IDE: variants seen among roughly 807,000 people sequenced by gnomAD.
IDE encodes insulin degrading enzyme.
A neutral mutation model predicts 133.2 loss-of-function variants in IDE; 58 were observed. The ratio of observed to expected loss-of-function variants is 0.44; its 90% CI spans 0.35 to 0.54. IDE has a LOEUF of 0.54. IDE is among the 20% of genes least tolerant of loss of function. IDE has a pLI of 0.00. For synonymous variants in IDE, 396 were observed against 421.3 expected (o/e 0.94, Z 0.73); for missense variants, 981 against 1,234.0 (o/e 0.79, Z 3.07).
chr10:92,524,747 AC>A (rs1431421836), intron 4 of IDE, among the ~76,000 whole-genome samples: 1 of 145,078 alleles, frequency 6.9e-6, no homozygotes, highest in East Asian at 2.0e-4. Flanking sequence ...ATATAGCAAA[AC>A]CCCGTCTCTA....
Position 92,510,110 on chromosome 10 carries a change from C to G in IDE, c.837G>C (p.Glu279Asp). The G allele has an allele frequency of 6.2e-7, 1 of 1,605,862 alleles. No homozygotes were observed. The highest frequency in any genetic ancestry group is 1.1e-5 in the South Asian group (1 of 90,426). ...ATTCTGGCAATGGAACATTTTTGTT[C>G]TCTACTTCAGAAAATAACTTTACCA... Reference protein sequence around the residue: ...NLVVKLFSEVENKNVPLPEFP... With the variant: ...NLVVKLFSEVDNKNVPLPEFP... Residue 279 changes from glutamate (E) to aspartate (D), a missense_variant, in exon 6 of 25, where the codon GAG becomes GAC. Glu to Asp is a conservative substitution (Grantham distance 45). Transcript: ENST00000265986.
intron 16 of IDE, 98 bp from the exon 17 acceptor site, chr10:92,475,059 T>G: frequency 1.2e-6 from 1 of 858,064 alleles, no homozygotes; most frequent in African/African-American, 1.7e-5. Flanking sequence ...ATAAACTGTA[T>G]TACTAGGATA....
At chr10:92,497,733 T>C (rs747113034) in intron 11 of IDE, 1 of 983,310 alleles carries the variant, frequency 1.0e-6, no homozygotes, top group East Asian at 1.1e-4. Context: ...TTTTGCACCA[T>C]GTATCACTGA....
At chr10:92,478,177 C>T (rs918457657) in intron 15 of IDE, among the ~76,000 whole-genome samples, 1 of 152,106 alleles carries the variant, frequency 6.6e-6, no homozygotes, top group Non-Finnish European at 1.5e-5. Flanking sequence ...TATTTTAAAA[C>T]ACACATAAAG....
chr10:92,545,096 A>G lies in IDE; in HGVS notation c.99-7546T>C, dbSNP rs990809055. On this transcript the variant is annotated intron_variant, in intron 1 of 24. Transcript: ENST00000265986. ...GGAATTAAATTTATCCATTTTAAAA[A>G]GAATATCATAGAAACTATGGTAATT... Among the ~76,000 whole-genome samples, 4 of 152,202 alleles carry G rather than the reference A, an allele frequency of 2.6e-5. No individual in the cohort carries two copies. In the East Asian group the frequency reaches 7.7e-4, roughly 29 times the overall value.
intron 1 of IDE, among the ~76,000 whole-genome samples, chr10:92,539,876 A>AAT (rs1162820053): frequency 1.3e-5 from 2 of 152,158 alleles, no homozygotes; most frequent in Non-Finnish European, 2.9e-5. Context: ...TTTGCGGTAA[A>AAT]ATAGTAATAA....
chr10:92,567,885 C>A (rs1161431641), intron 1 of IDE, among the ~76,000 whole-genome samples: 1 of 152,196 alleles, frequency 6.6e-6, no homozygotes, highest in Non-Finnish European at 1.5e-5. Flanking sequence ...GTGAGAGGAT[C>A]ACTTGAGCCC....
intron 20 of IDE, 114 bp downstream of exon 20, chr10:92,465,562 C>T: frequency 1.1e-6 from 1 of 885,886 alleles, no homozygotes; most frequent in South Asian, 1.7e-5. Flanking sequence ...TCAAGTCTCT[C>T]TAAGTAGACC....
rs1453727226 is a variant in IDE, at chr10:92,524,325, T to TATTA, written c.661+7422_661+7423insTAAT. 8.6e-5 allele frequency among the ~76,000 whole-genome samples: 5 copies of TATTA among 58,080 alleles called. 1 individual carries two copies. The highest frequency in any genetic ancestry group is 3.0e-4 in the African/African-American group (4 of 13,506). The allele number at this position is 58,080 out of a possible 152,430, so 38.1% of individuals were successfully genotyped here. A position where few individuals can be genotyped will look rare whatever the true frequency, so the allele number is the denominator to read the frequency against. ...ATCTCAAAAAAATATATATAATATA[T>TATTA]TATTATATATATTATATTATATATA... On this transcript the variant is annotated intron_variant, in intron 4 of 24. Coordinates refer to ENST00000265986, the MANE Select transcript of IDE (RefSeq NM_004969.4).
At chr10:92,564,147 A>T (rs1843410671) in intron 1 of IDE, among the ~76,000 whole-genome samples, 1 of 152,178 alleles carries the variant, frequency 6.6e-6, no homozygotes, top group Non-Finnish European at 1.5e-5. Flanking sequence ...GCTTGTTCCA[A>T]TATACAACTA....
At chr10:92,528,024 A>G (rs562368597) in intron 4 of IDE, among the ~76,000 whole-genome samples, 1 of 152,176 alleles carries the variant, frequency 6.6e-6, no homozygotes, top group Non-Finnish European at 1.5e-5. Context: ...TCTTTCTGGC[A>G]ACCTTGCTGA....
chr10:92,460,294 T>G (rs74151639), intron 22 of IDE, among the ~76,000 whole-genome samples: 8,990 of 152,268 alleles, frequency 0.059, 284 homozygotes, highest in African/African-American at 0.071. Context: ...GCAGCCACAG[T>G]GGCACCTAAA....
intron 4 of IDE, among the ~76,000 whole-genome samples, chr10:92,518,301 T>C (rs1454376664): frequency 6.6e-6 from 1 of 152,176 alleles, no homozygotes; most frequent in Non-Finnish European, 1.5e-5. Flanking sequence ...TCTGACTGCA[T>C]GGCCTTGAAC....
intron 2 of IDE, 120 bp from the exon 3 acceptor site, chr10:92,534,905 C>T (rs1841914677): frequency 3.0e-6 from 2 of 671,334 alleles, no homozygotes; most frequent in Non-Finnish European, 5.1e-6. Context: ...GAAAGTTAAG[C>T]ACAAGCTACC....
chr10:92,526,721 G>C (rs186933578), intron 4 of IDE, among the ~76,000 whole-genome samples: 1 of 151,672 alleles, frequency 6.6e-6, no homozygotes, highest in Non-Finnish European at 1.5e-5. Flanking sequence ...TAGTGTGTGC[G>C]TGTAGTCTCA....
chr10:92,531,746 A>G lies in IDE; in HGVS notation c.661+2T>C. 1 of 1,572,174 alleles carries G rather than the reference A, an allele frequency of 6.4e-7. No individual in the cohort carries two copies. The highest frequency in any genetic ancestry group is 8.7e-7 in the Non-Finnish European group (1 of 1,155,346). ...GGTCAAGGAAAGCAGCTGTTGACAA[A>G]CCTGTCCCAAATTTACTGAAGGGGT... On this transcript the variant is annotated splice_donor_variant, in intron 4 of 24. Transcript: ENST00000265986. LOFTEE classifies it high-confidence loss of function.
At chr10:92,530,747 C>T (rs956599497) in intron 4 of IDE, among the ~76,000 whole-genome samples, 3 of 152,252 alleles carry the variant, frequency 2.0e-5, no homozygotes, top group African/African-American at 2.4e-5. Context: ...CCAAGTACCA[C>T]GGTTCTAAAG....
At chr10:92,557,353 G>A (rs942883345) in intron 1 of IDE, among the ~76,000 whole-genome samples, 2 of 151,508 alleles carry the variant, frequency 1.3e-5, no homozygotes, top group African/African-American at 4.9e-5. Flanking sequence ...TGGATAACAT[G>A]GTGCAACCCC....
At chr10:92,563,030 C>G (rs1331076418) in intron 1 of IDE, among the ~76,000 whole-genome samples, 3 of 152,000 alleles carry the variant, frequency 2.0e-5, no homozygotes, top group African/African-American at 4.8e-5. Flanking sequence ...GTGGACAGAT[C>G]AACTGAAGTC....
Sources: gnomAD v4.1 joint callset for allele counts (sites outside exome capture counted in the v4.1 genomes callset) on GRCh38, gnomAD v4.1.1 for gene constraint, MANE v1.5 for transcripts, NCBI Gene and HGNC (gene_info 2026-07-23, HGNC 2026-07-21) for gene names.